ILRUN: variants seen among roughly 807,000 people sequenced by gnomAD.
The protein encoded by ILRUN is inflammation and lipid regulator with UBA-like and NBR1-like domains, also known as protein ILRUN.
In ILRUN, 3 loss-of-function variants were observed where a neutral mutation model predicts 33.8. The ratio of observed to expected loss-of-function variants is 0.09; its 90% CI spans 0.04 to 0.23. ILRUN has a LOEUF of 0.23. ILRUN is among the 10% of genes least tolerant of loss of function. ILRUN has a pLI of 1.00. For synonymous variants in ILRUN, 124 were observed against 138.9 expected (o/e 0.89, Z 0.75); for missense variants, 210 against 375.1 (o/e 0.56, Z 3.64).
Position 34,673,904 on chromosome 6 carries a change from T to TACACACACACACACACAC in ILRUN, c.159-19143_159-19126dup, listed in dbSNP as rs370280008. ...TGTCTCAAAAACAGTAACAACCACA[T>TACACACACACACACACAC]ACACACACACACACACACACACACA... On this transcript the variant is annotated intron_variant, in intron 1 of 4. Transcript: ENST00000374023. 4.0e-4 allele frequency among the ~76,000 whole-genome samples: 45 copies of TACACACACACACACACAC among 113,086 alleles called. 3 individuals are homozygous for TACACACACACACACACAC. The highest frequency in any genetic ancestry group is 1.6e-3 in the African/African-American group (44 of 28,186). 74.2% of individuals were successfully genotyped at this position (113,086 alleles called of 152,430 possible). A position where few individuals can be genotyped will look rare whatever the true frequency, so the allele number is the denominator to read the frequency against.
chr6:34,638,459 AT>A (rs1762409426), intron 3 of ILRUN, among the ~76,000 whole-genome samples: 1 of 152,092 alleles, frequency 6.6e-6, no homozygotes. Context: ...CATGCCTGTA[AT>A]CCCAGCACTT....
At chr6:34,654,144 A>G (rs1211666559) in intron 2 of ILRUN, among the ~76,000 whole-genome samples, 1 of 150,506 alleles carries the variant, frequency 6.6e-6, no homozygotes, top group Non-Finnish European at 1.5e-5. Context: ...GAAATTTCAG[A>G]GACAATCATC....
intron 1 of ILRUN, among the ~76,000 whole-genome samples, chr6:34,658,240 A>T (rs1762815666): frequency 6.6e-6 from 1 of 151,780 alleles, no homozygotes; most frequent in Non-Finnish European, 1.5e-5. Flanking sequence ...GCTACTTGGG[A>T]GGATGAGATA....
intron 1 of ILRUN, among the ~76,000 whole-genome samples, chr6:34,680,325 C>A (rs1763332927): frequency 6.6e-6 from 1 of 152,138 alleles, no homozygotes; most frequent in Non-Finnish European, 1.5e-5. Context: ...AACACACACA[C>A]AAAATATGTT....
At chr6:34,614,002 GA>G (rs757075072) in intron 3 of ILRUN, among the ~76,000 whole-genome samples, 3 of 152,160 alleles carry the variant, frequency 2.0e-5, no homozygotes, top group Non-Finnish European at 4.4e-5. Flanking sequence ...AGAACAAAAG[GA>G]TAAGGGCATG....
chr6:34,640,230 C>T lies in ILRUN; in HGVS notation c.511+6371G>A, dbSNP rs147824604. Among the ~76,000 whole-genome samples, 649 of 151,950 alleles carry T rather than the reference C, an allele frequency of 4.3e-3. 5 individuals carry two copies. The highest frequency in any genetic ancestry group is 0.015 in the African/African-American group (604 of 41,448). On this transcript the variant is annotated intron_variant, in intron 3 of 4. Transcript: ENST00000374023. ...AGGAGGCCAGAGGTCTTGTAATATG[C>T]CCCACACAGTGAAGAAGTGTCCACA... is the stretch of plus-strand genomic sequence containing the variant.
At chr6:34,667,041 T>G (rs1763020536) in intron 1 of ILRUN, among the ~76,000 whole-genome samples, 1 of 151,698 alleles carries the variant, frequency 6.6e-6, no homozygotes, top group Non-Finnish European at 1.5e-5. Flanking sequence ...CGAATATACA[T>G]GAAAAAAAAC....
intron 2 of ILRUN, among the ~76,000 whole-genome samples, chr6:34,648,492 T>C (rs1762601130): frequency 6.6e-6 from 1 of 152,186 alleles, no homozygotes; most frequent in East Asian, 1.9e-4. Flanking sequence ...TGTTTTAGCA[T>C]ACCTTCTTCT....
chr6:34,638,492 T>G (rs1233748189), intron 3 of ILRUN, among the ~76,000 whole-genome samples: 1 of 151,952 alleles, frequency 6.6e-6, no homozygotes, highest in Non-Finnish European at 1.5e-5. Context: ...AGTGGGAGGA[T>G]CGCTTGAGCC....
intron 4 of ILRUN, among the ~76,000 whole-genome samples, chr6:34,602,626 T>C (rs1761533795): frequency 6.6e-6 from 1 of 152,182 alleles, no homozygotes; most frequent in African/African-American, 2.4e-5. Context: ...ATTAAAACAC[T>C]TTCTAGCCTT....
At chr6:34,637,940 G>A (rs1762399907) in intron 3 of ILRUN, among the ~76,000 whole-genome samples, 1 of 151,858 alleles carries the variant, frequency 6.6e-6, no homozygotes, top group Non-Finnish European at 1.5e-5. Context: ...AGGTTGGAGT[G>A]CAGTGGAGTG....
rs531939069 is a variant in ILRUN, at chr6:34,587,936, G to A, written c.*2629C>T. The A allele has an allele frequency of 1.5e-5, 6 of 397,396 alleles. No individual in the cohort carries two copies. The highest frequency in any genetic ancestry group is 1.2e-4 in the African/African-American group (6 of 48,742). The allele number at this position is 397,396 out of a possible 1,614,324, so 24.6% of individuals were successfully genotyped here. On this transcript the variant is annotated 3_prime_UTR_variant, in exon 5 of 5. Coordinates refer to ENST00000374023, the MANE Select transcript of ILRUN (RefSeq NM_024294.4). ...ACCTCCTGGGTGCCAGACGCAGGTG[G>A]TCCTGCCCAGAGGTGGCCTGCCACT...
intron 1 of ILRUN, among the ~76,000 whole-genome samples, chr6:34,670,085 G>A (rs952364817): frequency 6.6e-6 from 1 of 151,934 alleles, no homozygotes; most frequent in Non-Finnish European, 1.5e-5. Flanking sequence ...CTAATTTTTT[G>A]TATTTTTAGT....
In ILRUN at chr6:34,654,793, G is replaced by C. The variant is rs200438228; in HGVS notation, c.159-14C>G. ...GCTTGTAGGTTCCTATAGAAAAAGA[G>C]AAAAGGCAACAGACTTCAGTACTGT... On this transcript the variant is annotated splice_polypyrimidine_tract_variant and intron_variant, in intron 1 of 4. Coordinates refer to ENST00000374023, the MANE Select transcript of ILRUN (RefSeq NM_024294.4). 2 of 1,610,246 alleles carry C rather than the reference G, an allele frequency of 1.2e-6. No homozygotes were observed. Among genetic ancestry groups the C allele is most frequent in the Non-Finnish European group, 8.5e-7 (1 of 1,178,890 alleles).
chr6:34,642,903 G>A (rs1762501143), intron 3 of ILRUN, among the ~76,000 whole-genome samples: 1 of 148,254 alleles, frequency 6.7e-6, no homozygotes, highest in Non-Finnish European at 1.5e-5. Flanking sequence ...TGAGGCAAGA[G>A]GATCACTTGA....
chr6:34,696,440 G>C lies in ILRUN; in HGVS notation c.158+6C>G, dbSNP rs780732998. 1 of 1,553,402 alleles carries C rather than the reference G, an allele frequency of 6.4e-7. No individual in the cohort carries two copies. Among genetic ancestry groups the C allele is most frequent in the Non-Finnish European group, 8.7e-7 (1 of 1,149,936 alleles). On this transcript the variant is annotated splice_donor_region_variant and intron_variant, in intron 1 of 4. Coordinates refer to ENST00000374023, the MANE Select transcript of ILRUN (RefSeq NM_024294.4). ...TGCCAGCGCTGGCACTGCGGGGCCG[G>C]CTCACCAGTTGGTCATGTCCAGGAA...
intron 1 of ILRUN, among the ~76,000 whole-genome samples, chr6:34,669,916 CTT>C (rs781326140): frequency 3.4e-5 from 5 of 145,200 alleles, no homozygotes; most frequent in South Asian, 2.2e-4. Context: ...AAAGGCAACT[CTT>C]TTTTTTTTTT....
chr6:34,677,763 A>G (rs544074235), intron 1 of ILRUN, among the ~76,000 whole-genome samples: 143 of 152,172 alleles, frequency 9.4e-4, no homozygotes, highest in African/African-American at 3.1e-3. Context: ...AGTCTGGACA[A>G]TATGACAAAA....
At chr6:34,638,375 T>C (rs1762407913) in intron 3 of ILRUN, among the ~76,000 whole-genome samples, 1 of 152,198 alleles carries the variant, frequency 6.6e-6, no homozygotes, top group African/African-American at 2.4e-5. Flanking sequence ...CCTTCTAAAA[T>C]ATTTTCCATA....
Sources: allele counts gnomAD v4.1 joint callset (sites outside exome capture counted in the v4.1 genomes callset), GRCh38; gene constraint gnomAD v4.1.1; transcripts MANE v1.5; gene names NCBI Gene and HGNC (gene_info 2026-07-23, HGNC 2026-07-21).